The following CACNA1D variants were observed in gnomAD, a reference collection of about 807,000 sequenced individuals.
The protein encoded by CACNA1D is calcium voltage-gated channel subunit alpha1 D.
A neutral mutation model predicts 257.1 loss-of-function variants in CACNA1D; 55 were observed. The ratio of observed to expected loss-of-function variants is 0.21; its 90% CI spans 0.17 to 0.27. The LOEUF is 0.27. CACNA1D is among the 10% of genes least tolerant of loss of function. CACNA1D has a pLI of 1.00. For synonymous variants in CACNA1D, 980 were observed against 1,014.9 expected, an observed-to-expected ratio of 0.97 and a Z score of 0.65; for missense variants, 1,876 against 2,784.0, an observed-to-expected ratio of 0.67 and a Z score of 7.34.
At chr3:53,618,242 G>C (rs773903336) in intron 3 of CACNA1D, among the ~76,000 whole-genome samples, 6 of 152,206 alleles carry the variant, frequency 3.9e-5, no homozygotes, top group Non-Finnish European at 8.8e-5. Flanking sequence ...AGGGCATGAA[G>C]GGCTGGGCTG....
Position 53,699,731 on chromosome 3 carries a change from ATCAG to A in CACNA1D, c.1221-2908_1221-2905del, listed in dbSNP as rs563998689. 8.5e-5 allele frequency among the ~76,000 whole-genome samples: 13 copies of A among 152,288 alleles called. No homozygotes were observed. The South Asian group carries it at 2.7e-3, about 32-fold the overall frequency. On this transcript the variant is annotated intron_variant, in intron 8 of 47. Coordinates refer to ENST00000350061, the MANE Select transcript of CACNA1D (RefSeq NM_001128840.3). Reference sequence around the variant, plus strand: ...ATTCAGCCATTCAGAACTGTCTAAAATCAGTTCAGAGGGTCTATATCAGCAGCTT... The same window carrying A: ...ATTCAGCCATTCAGAACTGTCTAAAATTCAGAGGGTCTATATCAGCAGCTT...
chr3:53,718,519 G>A (rs928269910), intron 10 of CACNA1D, 131 bp downstream of exon 10: 66 of 1,046,536 alleles, frequency 6.3e-5, no homozygotes, highest in Non-Finnish European at 8.2e-5. Flanking sequence ...AAGGCTCCTC[G>A]TACCCCACGC....
Position 53,800,924 on chromosome 3 carries a change from ACT to A in CACNA1D, c.5041-132_5041-131del. 1 of 837,456 alleles carries A rather than the reference ACT, an allele frequency of 1.2e-6. No homozygotes were observed. 51.9% of individuals were successfully genotyped at this position (837,456 alleles called of 1,614,324 possible). A position where few individuals can be genotyped will look rare whatever the true frequency, so the allele number is the denominator to read the frequency against. On this transcript the variant is annotated intron_variant, in intron 41 of 47. Transcript: ENST00000350061. The surrounding 1 kb of genome is among the most constrained non-coding windows in gnomAD (Gnocchi z 4.3). ...TCACATTCACCCTGATCATTGAGAC[ACT>A]CAGATTGTTTTACAGGGATCCTACG...
At chr3:53,525,552 A>C (rs1200558200) in intron 3 of CACNA1D, among the ~76,000 whole-genome samples, 3 of 152,110 alleles carry the variant, frequency 2.0e-5, no homozygotes, top group African/African-American at 7.2e-5. Context: ...ATAAGCTAGA[A>C]CTAATAATTC....
intron 9 of CACNA1D, among the ~76,000 whole-genome samples, chr3:53,715,027 A>G (rs1346172883): frequency 2.0e-5 from 3 of 152,170 alleles, no homozygotes; most frequent in Non-Finnish European, 4.4e-5. Context: ...CTTTTCAAAT[A>G]TTTTTGGAAA....
rs1027239295 is a variant in CACNA1D, at chr3:53,793,207, A to T, written c.4923+6255A>T. Among the ~76,000 whole-genome samples the T allele has an allele frequency of 1.3e-5, 2 of 152,202 alleles. No individual in the cohort carries two copies. Among genetic ancestry groups the T allele is most frequent in the Non-Finnish European group, 2.9e-5 (2 of 68,034 alleles). On this transcript the variant is annotated intron_variant, in intron 40 of 47. Coordinates refer to ENST00000350061, the MANE Select transcript of CACNA1D (RefSeq NM_001128840.3). This position sits in a 1 kb window ranked among gnomAD's most constrained non-coding sequence, Gnocchi z 4.1. ...CTACAGGTCTAGTGCCTGGCATTGC[A>T]GGGAGCCTCCAGGACCCTGCTGTGA...
intron 8 of CACNA1D, among the ~76,000 whole-genome samples, chr3:53,677,404 G>A (rs910692222): frequency 1.3e-5 from 2 of 152,356 alleles, no homozygotes; most frequent in East Asian, 1.9e-4. Flanking sequence ...CTGTCTTGCC[G>A]TCTCCCACAC....
At chr3:53,614,779 G>T (rs116181754) in intron 3 of CACNA1D, among the ~76,000 whole-genome samples, 4,522 of 152,208 alleles carry the variant, frequency 0.03, 226 homozygotes, top group African/African-American at 0.1. Context: ...TACCTAGCAA[G>T]ATGCAGCTAA....
intron 3 of CACNA1D, among the ~76,000 whole-genome samples, chr3:53,513,299 A>G (rs1004936035): frequency 2.0e-5 from 3 of 152,216 alleles, no homozygotes; most frequent in East Asian, 1.9e-4. Context: ...GCCTAGTGAC[A>G]TCGTAGTCAT....
In CACNA1D at chr3:53,497,272, C is replaced by T. The variant is rs753384864; in HGVS notation, c.188C>T (p.Ala63Val). Residue 63 changes from alanine to valine, a missense_variant, in exon 2 of 48, where the codon GCC becomes GTC. By Grantham distance (64) the Ala-to-Val change is moderately conservative. This residue lies in a region of CACNA1D where 143 missense variants were observed against 168.7 expected (regional missense o/e 0.85). Coordinates refer to ENST00000350061, the MANE Select transcript of CACNA1D (RefSeq NM_001128840.3). Reference protein sequence around the residue: ...WQAAIDAARQAKAAQTMSTSA... With the variant: ...WQAAIDAARQVKAAQTMSTSA... The stretch of plus-strand genomic sequence containing the variant: ...GCTGCAATCGATGCTGCTAGACAGG[C>T]CAAGGCTGCCCAAACTATGAGCACC... The T allele has an allele frequency of 1.2e-5, 20 of 1,614,152 alleles. No homozygotes were observed. The highest frequency in any genetic ancestry group is 1.6e-5 in the Non-Finnish European group (19 of 1,180,028).
intron 9 of CACNA1D, among the ~76,000 whole-genome samples, chr3:53,705,447 C>T (rs565595423): frequency 7.0e-4 from 107 of 152,330 alleles, no homozygotes; most frequent in African/African-American, 2.2e-3. Flanking sequence ...GCCCATAAAG[C>T]TGCAATGTGT....
chr3:53,571,272 T>G (rs1430560595), intron 3 of CACNA1D, among the ~76,000 whole-genome samples: 1 of 152,190 alleles, frequency 6.6e-6, no homozygotes, highest in Non-Finnish European at 1.5e-5. Context: ...GTGATGTGAT[T>G]TGATTTGATG....
intron 3 of CACNA1D, among the ~76,000 whole-genome samples, chr3:53,547,464 A>T (rs757409777): frequency 4.6e-5 from 7 of 152,144 alleles, no homozygotes; most frequent in Non-Finnish European, 8.8e-5. Flanking sequence ...GAGTGGAGAG[A>T]GACTTGGTCC....
chr3:53,798,330 TGTGTGTGC>T (rs1559706747), intron 40 of CACNA1D, among the ~76,000 whole-genome samples: 57 of 143,358 alleles, frequency 4.0e-4, no homozygotes, highest in Middle Eastern at 3.6e-3. Flanking sequence ...TGTGTGTGCG[TGTGTGTGC>T]GTGTGTGTGT....
At chr3:53,717,880 T>C (rs770203315) in intron 9 of CACNA1D, among the ~76,000 whole-genome samples, 2 of 152,132 alleles carry the variant, frequency 1.3e-5, no homozygotes, top group Non-Finnish European at 2.9e-5. Flanking sequence ...ACTCATGAAA[T>C]GTTAGGGTTA....
At chr3:53,708,507 C>G (rs2094715953) in intron 9 of CACNA1D, among the ~76,000 whole-genome samples, 1 of 152,158 alleles carries the variant, frequency 6.6e-6, no homozygotes, top group Non-Finnish European at 1.5e-5. Flanking sequence ...CAGGCAGACT[C>G]TCTCCACAGG....
chr3:53,569,510 T>C (rs2092907107), intron 3 of CACNA1D, among the ~76,000 whole-genome samples: 1 of 152,206 alleles, frequency 6.6e-6, no homozygotes, highest in South Asian at 2.1e-4. Context: ...GTTAAAGGAG[T>C]GAATGTGTTA....
In CACNA1D at chr3:53,802,183, C is replaced by G; in HGVS notation, c.5435+10C>G. ...ATGAAACTTACATTAGGTATGTGCTCATTACCTGTTTTTGTGTTAAATACT... is the reference window on the plus strand; with the variant it reads ...ATGAAACTTACATTAGGTATGTGCTGATTACCTGTTTTTGTGTTAAATACT... On this transcript the variant is annotated intron_variant, in intron 43 of 47. Transcript: ENST00000350061. 2.5e-6 allele frequency: 4 copies of G among 1,600,828 alleles called. No homozygotes were observed. The highest frequency in any genetic ancestry group is 3.4e-6 in the Non-Finnish European group (4 of 1,167,858).
chr3:53,750,541 T>A (rs1467319329), intron 27 of CACNA1D, among the ~76,000 whole-genome samples: 8 of 152,118 alleles, frequency 5.3e-5, no homozygotes, highest in Non-Finnish European at 7.4e-5. Flanking sequence ...CCGGTTTGTG[T>A]TTGCAGGAAG....
Sources: gnomAD v4.1 joint callset for allele counts (sites outside exome capture counted in the v4.1 genomes callset) on GRCh38, gnomAD v4.1.1 for gene constraint, gnomAD v4.1.1 regional missense constraint, Gnocchi (gnomAD v3.1) non-coding constraint, MANE v1.5 for transcripts, NCBI Gene and HGNC (gene_info 2026-07-23, HGNC 2026-07-21) for gene names.